Variants in ADAM18 observed in about 807,000 individuals in gnomAD.
ADAM18 encodes the protein ADAM metallopeptidase domain 18, also known as disintegrin and metalloproteinase domain-containing protein 18.
Under a neutral mutation model 94.4 loss-of-function variants are expected in ADAM18, and 117 were observed. The observed-to-expected ratio is 1.24, with a 90% CI of 1.07 to 1.45. ADAM18 has a LOEUF of 1.45. Among genes scored for constraint, ADAM18 ranks in the 40% most tolerant of loss-of-function variants. The pLI is 0.00. For missense variants in ADAM18, 936 were observed against 880.0 expected (o/e 1.06, Z -0.81); for synonymous variants, 327 against 291.6 (o/e 1.12, Z -1.24).
chr8:39,681,899 A>G (rs1043250265), intron 16 of ADAM18, among the ~76,000 whole-genome samples: 1 of 152,186 alleles, frequency 6.6e-6, no homozygotes, highest in African/African-American at 2.4e-5. Context: ...GCAGCTTATA[A>G]TATAATAAGA....
chr8:39,709,944 T>C (rs1436010115), intron 18 of ADAM18, among the ~76,000 whole-genome samples: 5 of 152,210 alleles, frequency 3.3e-5, no homozygotes, highest in African/African-American at 1.2e-4. Context: ...GCATTTAAGT[T>C]TGGATAGACA....
chr8:39,653,645 G>A (rs1029979217), intron 12 of ADAM18, among the ~76,000 whole-genome samples: 4 of 152,090 alleles, frequency 2.6e-5, no homozygotes, highest in East Asian at 1.9e-4. Flanking sequence ...TAACTTCTTC[G>A]AGGATAAAAT....
Position 39,617,690 on chromosome 8 carries a change from A to G in ADAM18, c.522+6984A>G, listed in dbSNP as rs142382913. 1.5e-3 allele frequency among the ~76,000 whole-genome samples: 236 copies of G among 152,344 alleles called. 1 individual carries two copies. The highest frequency in any genetic ancestry group is 5.2e-3 in the African/African-American group (218 of 41,582). On this transcript the variant is annotated intron_variant, in intron 6 of 19. Transcript: ENST00000265707. The stretch of plus-strand genomic sequence containing the variant: ...TACTGAAATTATGTTCTGTGTAGCA[A>G]TATGAATGGACTTGGAGGCCATTAT...
chr8:39,622,664 C>T (rs892604552), intron 6 of ADAM18, among the ~76,000 whole-genome samples: 5 of 151,902 alleles, frequency 3.3e-5, no homozygotes, highest in African/African-American at 1.2e-4. Context: ...TACAATCAAA[C>T]TTATTAATTT....
In ADAM18 at chr8:39,612,147, A is replaced by AG. The variant is rs964487780; in HGVS notation, c.522+1444dup. 6.7e-5 allele frequency among the ~76,000 whole-genome samples: 10 copies of AG among 150,362 alleles called. No individual in the cohort carries two copies. In the East Asian group the frequency reaches 1.9e-3, roughly 29 times the overall value. ...CTTAATTAGTGAAAAAAAAAAAGGG[A>AG]GGGAGGAGAGCAAAGATGGCCAACT... On this transcript the variant is annotated intron_variant, in intron 6 of 19. Transcript: ENST00000265707.
chr8:39,663,115 T>A (rs921901413), intron 12 of ADAM18, among the ~76,000 whole-genome samples: 1 of 152,296 alleles, frequency 6.6e-6, no homozygotes, highest in Admixed American at 6.5e-5. Flanking sequence ...ATGAGACCCT[T>A]GAGAAAAGTT....
At chr8:39,628,684 T>A (rs527749131) in intron 6 of ADAM18, among the ~76,000 whole-genome samples, 1 of 152,210 alleles carries the variant, frequency 6.6e-6, no homozygotes, top group Admixed American at 6.5e-5. Context: ...GAAGTTTCTA[T>A]ATGTGAGAAG....
intron 17 of ADAM18, among the ~76,000 whole-genome samples, chr8:39,695,237 T>C (rs1821890243): frequency 6.6e-6 from 1 of 151,574 alleles, no homozygotes; most frequent in Non-Finnish European, 1.5e-5. Context: ...TTTATTTCAG[T>C]TGGGTAAATA....
At chr8:39,671,380 C>T (rs1199326440) in intron 14 of ADAM18, among the ~76,000 whole-genome samples, 1 of 152,090 alleles carries the variant, frequency 6.6e-6, no homozygotes, top group Non-Finnish European at 1.5e-5. Context: ...TACCATTGAA[C>T]TTAGGAAAAT....
intron 12 of ADAM18, among the ~76,000 whole-genome samples, chr8:39,660,302 G>A (rs963409845): frequency 6.6e-6 from 1 of 152,120 alleles, no homozygotes; most frequent in Non-Finnish European, 1.5e-5. Flanking sequence ...AGAAGACACA[G>A]AGTGGCTGAA....
At chr8:39,658,216 G>T (rs1343601751) in intron 12 of ADAM18, among the ~76,000 whole-genome samples, 2 of 152,114 alleles carry the variant, frequency 1.3e-5, no homozygotes, top group Non-Finnish European at 2.9e-5. Context: ...ATATAATTGT[G>T]GTAGGCAGAA....
In ADAM18 at chr8:39,677,500, G is replaced by A; in HGVS notation, c.1595G>A (p.Gly532Asp). The change falls in exon 15 of 20, where the codon GGT (glycine) becomes GAT (aspartate). Residue 532 changes from glycine to aspartate, a missense_variant. Coordinates refer to ENST00000265707, the MANE Select transcript of ADAM18 (RefSeq NM_014237.3). ...CTGCATGAAAGATCTGAAAACTGTG[G>A]TTTTAAAAATTCACAACCATTACCT... ...NSLHERSENC[G>D]FKNSQPLPCE... 6.2e-7 allele frequency: 1 copy of A among 1,610,234 alleles called. No homozygotes were observed. The highest frequency in any genetic ancestry group is 8.5e-7 in the Non-Finnish European group (1 of 1,179,136).
intron 7 of ADAM18, among the ~76,000 whole-genome samples, chr8:39,631,042 G>A (rs1214980306): frequency 6.6e-6 from 1 of 151,798 alleles, no homozygotes. Context: ...AAATGTATAA[G>A]TTTTTACCCA....
chr8:39,615,552 T>A (rs1324385060), intron 6 of ADAM18, among the ~76,000 whole-genome samples: 1 of 152,186 alleles, frequency 6.6e-6, no homozygotes, highest in African/African-American at 2.4e-5. Flanking sequence ...AACTAGGTAT[T>A]GAAGGAACAT....
At chr8:39,590,806 T>C (rs928377243) in intron 2 of ADAM18, among the ~76,000 whole-genome samples, 2 of 152,170 alleles carry the variant, frequency 1.3e-5, no homozygotes, top group Admixed American at 6.5e-5. Context: ...GATTCAGAAA[T>C]AGAACATAAG....
In ADAM18 at chr8:39,664,931, TG is replaced by T. The variant is rs544830704; in HGVS notation, c.1326+1042del. Reference sequence around the variant, plus strand: ...ATGTAAATATTCTATGTATTTTTTTTGTTGAATTTAGCTATTAATGTATAAT... The same window carrying T: ...ATGTAAATATTCTATGTATTTTTTTTTTGAATTTAGCTATTAATGTATAAT... On this transcript the variant is annotated intron_variant, in intron 13 of 19. Coordinates refer to ENST00000265707, the MANE Select transcript of ADAM18 (RefSeq NM_014237.3). Among the ~76,000 whole-genome samples the T allele has an allele frequency of 1.1e-3, 161 of 142,200 alleles. 1 individual carries two copies. Among genetic ancestry groups the T allele is most frequent in the African/African-American group, 4.0e-3 (153 of 37,920 alleles). The allele number at this position is 142,200 out of a possible 152,430, so 93.3% of individuals were successfully genotyped here.
chr8:39,670,190 A>T (rs1205044856), intron 14 of ADAM18, among the ~76,000 whole-genome samples: 1 of 152,002 alleles, frequency 6.6e-6, no homozygotes, highest in Non-Finnish European at 1.5e-5. Flanking sequence ...AATTTGTTTG[A>T]GTTCATTGTA....
intron 6 of ADAM18, among the ~76,000 whole-genome samples, chr8:39,620,471 T>C (rs1188248229): frequency 6.7e-6 from 1 of 148,616 alleles, no homozygotes; most frequent in African/African-American, 2.4e-5. Flanking sequence ...AAAAAGCTTT[T>C]GCTTGCAAAT....
Position 39,637,615 on chromosome 8 carries a change from G to A in ADAM18, c.739G>A (p.Gly247Arg). The A allele has an allele frequency of 1.2e-6, 2 of 1,612,776 alleles. No individual in the cohort carries two copies. The highest frequency in any genetic ancestry group is 1.7e-6 in the Non-Finnish European group (2 of 1,179,282). The change falls in exon 9 of 20, where the codon GGG (glycine) becomes AGG (arginine). Residue 247 changes from glycine (G) to arginine (R), a missense_variant. Coordinates refer to ENST00000265707, the MANE Select transcript of ADAM18 (RefSeq NM_014237.3). Reference sequence around the variant, plus strand: ...AAATGAAAACCAGATTTCCACCAGTGGGGATGCTGATGATATATTACAAAG... The same window carrying A: ...AAATGAAAACCAGATTTCCACCAGTAGGGATGCTGATGATATATTACAAAG... Reference protein sequence around the residue: ...WSNENQISTSGDADDILQRFL... With the variant: ...WSNENQISTSRDADDILQRFL...
Sources: gnomAD v4.1 joint callset for allele counts (sites outside exome capture counted in the v4.1 genomes callset) on GRCh38, gnomAD v4.1.1 for gene constraint, MANE v1.5 for transcripts, NCBI Gene and HGNC (gene_info 2026-07-23, HGNC 2026-07-21) for gene names.